The following DNAI1 variants were observed in gnomAD, a reference collection of about 807,000 sequenced individuals.
DNAI1 encodes the protein dynein, axonemal, intermediate polypeptide 1.
A neutral mutation model predicts 92.0 loss-of-function variants in DNAI1; 67 were observed. The observed-to-expected ratio is 0.73, with a 90% CI of 0.60 to 0.89. The LOEUF is 0.89. Ranked by LOEUF, DNAI1 falls within the 40% of genes least tolerant of loss-of-function variation. The pLI, the probability that DNAI1 is intolerant of heterozygous loss-of-function variation, is 0.00. For missense variants in DNAI1, 839 were observed against 866.6 expected, an observed-to-expected ratio of 0.97 and a Z score of 0.40; for synonymous variants, 323 against 319.6, an observed-to-expected ratio of 1.01 and a Z score of -0.11.
chr9:34,483,036 C>T (rs1032985697), intron 1 of DNAI1, among the ~76,000 whole-genome samples: 2 of 152,240 alleles, frequency 1.3e-5, no homozygotes, highest in African/African-American at 4.8e-5. Flanking sequence ...CCGGGGCCAG[C>T]AGGGCTGGCT....
At chr9:34,493,427 T>TA in intron 9 of DNAI1, 99 bp downstream of exon 9, 1 of 1,505,696 alleles carries the variant, frequency 6.6e-7, no homozygotes, top group Non-Finnish European at 9.2e-7. Flanking sequence ...GGTTCACAGA[T>TA]ACTTAAATCA....
At chr9:34,477,616 G>T (rs1448926007) in intron 1 of DNAI1, among the ~76,000 whole-genome samples, 1 of 152,126 alleles carries the variant, frequency 6.6e-6, no homozygotes, top group East Asian at 1.9e-4. Flanking sequence ...TATTAAGAAA[G>T]ATATTAAAGA....
intron 1 of DNAI1, among the ~76,000 whole-genome samples, chr9:34,468,311 A>G (rs541718027): frequency 2.6e-5 from 4 of 151,104 alleles, no homozygotes; most frequent in African/African-American, 9.7e-5. Context: ...CCTCCCGAGT[A>G]GCTGGGACTA....
At chr9:34,506,974 G>A (rs997578007) in intron 13 of DNAI1, 100 bp downstream of exon 13, 10 of 1,518,048 alleles carry the variant, frequency 6.6e-6, no homozygotes, top group Non-Finnish European at 7.1e-6. Flanking sequence ...CCACAGGCAA[G>A]GAGATGAGGA....
chr9:34,507,763 C>T (rs1332201717), intron 13 of DNAI1, among the ~76,000 whole-genome samples: 1 of 152,200 alleles, frequency 6.6e-6, no homozygotes, highest in East Asian at 1.9e-4. Context: ...GGTTGCCTGC[C>T]CTCGGGTGGG....
At chr9:34,496,185 G>A (rs977691029) in intron 9 of DNAI1, among the ~76,000 whole-genome samples, 1 of 146,188 alleles carries the variant, frequency 6.8e-6, no homozygotes, top group African/African-American at 2.4e-5. Context: ...ACTTGCCAGA[G>A]GTTGCCACCG....
intron 1 of DNAI1, among the ~76,000 whole-genome samples, chr9:34,469,925 A>C (rs1824108104): frequency 6.6e-6 from 1 of 152,206 alleles, no homozygotes; most frequent in Admixed American, 6.5e-5. Context: ...TAAAGCAAAA[A>C]ACAAAACAAA....
At chr9:34,510,045 G>A (rs1825034338) in intron 13 of DNAI1, among the ~76,000 whole-genome samples, 1 of 152,262 alleles carries the variant, frequency 6.6e-6, no homozygotes. Flanking sequence ...TGGTGAATGA[G>A]ATGTCAGAGA....
intron 1 of DNAI1, among the ~76,000 whole-genome samples, chr9:34,475,487 C>A (rs964487568): frequency 1.1e-4 from 16 of 152,166 alleles, no homozygotes; most frequent in African/African-American, 3.9e-4. Context: ...ACACAGATCC[C>A]ATGTGACTGA....
At position 34,493,325 on chromosome 9, in the gene DNAI1, T is replaced by A; in HGVS notation, c.813T>A (p.Ser271=). The change falls in exon 9 of 20, where the codon TCT becomes TCA. Residue 271 remains serine (S), a synonymous_variant. Transcript: ENST00000242317. The stretch of plus-strand genomic sequence containing the variant: ...TGAGGAAGCTGACATCTATGGAGTC[T>A]CAGGTTTGGTGTTAGTTCCTACAGC... ...MAMRKLTSME[S]QTDDLIKLSQ... is the part of the protein sequence containing the mutation. 6.2e-7 allele frequency: 1 copy of A among 1,614,044 alleles called. No individual in the cohort carries two copies. The highest frequency in any genetic ancestry group is 8.5e-7 in the Non-Finnish European group (1 of 1,179,918).
intron 1 of DNAI1, chr9:34,478,625 T>C (rs1297425731): frequency 6.6e-6 from 1 of 152,238 alleles, no homozygotes; most frequent in Non-Finnish European, 1.5e-5. Context: ...AATGCTCTGC[T>C]GTGAAAGAGT....
At chr9:34,462,476 A>G (rs1450283619) in intron 1 of DNAI1, among the ~76,000 whole-genome samples, 1 of 152,222 alleles carries the variant, frequency 6.6e-6, no homozygotes, top group Non-Finnish European at 1.5e-5. Context: ...TGTTATGGTA[A>G]GGATCATGTC....
At chr9:34,509,903 AAAAAAAAAAAAAG>A (rs988102327) in intron 13 of DNAI1, among the ~76,000 whole-genome samples, 1 of 151,528 alleles carries the variant, frequency 6.6e-6, no homozygotes, top group African/African-American at 2.4e-5. Context: ...CCGTCTCAAA[AAAAAAAAAAAAAG>A]AAAAAAAAGA....
chr9:34,472,813 G>T (rs1375713360), intron 1 of DNAI1, among the ~76,000 whole-genome samples: 1 of 151,888 alleles, frequency 6.6e-6, no homozygotes, highest in Non-Finnish European at 1.5e-5. Flanking sequence ...GAAGCAGGAG[G>T]ATCCCTTGAG....
chr9:34,493,737 TG>T (rs1270015390), intron 9 of DNAI1, among the ~76,000 whole-genome samples: 3 of 152,182 alleles, frequency 2.0e-5, no homozygotes, highest in African/African-American at 7.2e-5. Flanking sequence ...TTTCAGTACT[TG>T]GGTTTACTTA....
At chr9:34,507,802 C>T (rs1468243210) in intron 13 of DNAI1, among the ~76,000 whole-genome samples, 1 of 152,186 alleles carries the variant, frequency 6.6e-6, no homozygotes, top group Non-Finnish European at 1.5e-5. Context: ...CAGGTCTGCC[C>T]CTGAGCCTCT....
intron 18 of DNAI1, among the ~76,000 whole-genome samples, chr9:34,516,231 G>C (rs1476628097): frequency 6.6e-6 from 1 of 152,184 alleles, no homozygotes; most frequent in Non-Finnish European, 1.5e-5. Context: ...GGTAGAGTAA[G>C]CAAGGGGCGA....
At chr9:34,500,992 C>T (rs1824821287) in intron 11 of DNAI1, 146 bp from the exon 12 acceptor site, 2 of 957,726 alleles carry the variant, frequency 2.1e-6, no homozygotes, top group African/African-American at 1.6e-5. Context: ...CACAAGACCA[C>T]CCCCAGGACT....
At chr9:34,504,159 C>T (rs1310134232) in intron 12 of DNAI1, among the ~76,000 whole-genome samples, 1 of 152,200 alleles carries the variant, frequency 6.6e-6, no homozygotes, top group East Asian at 1.9e-4. Context: ...AGCCCAGCCT[C>T]TGTCTGGGGA....
Sources: allele counts gnomAD v4.1 joint callset (sites outside exome capture counted in the v4.1 genomes callset), GRCh38; gene constraint gnomAD v4.1.1; transcripts MANE v1.5; gene names NCBI Gene and HGNC (gene_info 2026-07-23, HGNC 2026-07-21).